Variants in FSTL5 observed in about 807,000 individuals in gnomAD.
FSTL5 encodes follistatin like 5, also known as follistatin-related protein 5.
Under a neutral mutation model 89.1 loss-of-function variants are expected in FSTL5, and 62 were observed. The observed-to-expected ratio is 0.70, with a 90% CI of 0.57 to 0.86. The LOEUF (loss-of-function observed/expected upper bound fraction) is 0.86, where lower values mean the gene tolerates loss of function less well. Ranked by LOEUF, FSTL5 falls within the 40% of genes least tolerant of loss-of-function variation. FSTL5 has a pLI of 0.00. For synonymous variants in FSTL5, 383 were observed against 346.2 expected, an observed-to-expected ratio of 1.11 and a Z score of -1.18; for missense variants, 1,057 against 1,001.6, an observed-to-expected ratio of 1.06 and a Z score of -0.75.
chr4:162,048,276 G>A (rs1463054071), intron 2 of FSTL5, among the ~76,000 whole-genome samples: 6 of 152,044 alleles, frequency 3.9e-5, no homozygotes, highest in Non-Finnish European at 8.8e-5. Flanking sequence ...GCAGTGAGCG[G>A]CGATGGTGTC....
At chr4:161,982,869 T>C (rs1203240964) in intron 3 of FSTL5, among the ~76,000 whole-genome samples, 1 of 152,188 alleles carries the variant, frequency 6.6e-6, no homozygotes, top group East Asian at 1.9e-4. Context: ...GCCTACAATG[T>C]CTTAGTTATA....
At chr4:161,597,599 G>A (rs1332727840) in intron 7 of FSTL5, among the ~76,000 whole-genome samples, 1 of 151,564 alleles carries the variant, frequency 6.6e-6, no homozygotes, top group Non-Finnish European at 1.5e-5. Flanking sequence ...TGCACGTTGT[G>A]CACATGTACG....
At chr4:162,032,193 T>G (rs1426398295) in intron 3 of FSTL5, among the ~76,000 whole-genome samples, 1 of 152,138 alleles carries the variant, frequency 6.6e-6, no homozygotes, top group African/African-American at 2.4e-5. Flanking sequence ...ATAAGTAAAA[T>G]AAGTTATTGT....
chr4:161,394,554 C>T (rs1256073847), intron 15 of FSTL5, among the ~76,000 whole-genome samples: 10 of 152,130 alleles, frequency 6.6e-5, no homozygotes, highest in Admixed American at 5.2e-4. Context: ...AGATTACAGG[C>T]GTGAGCCACT....
chr4:161,917,965 T>C (rs1306803182), intron 4 of FSTL5, among the ~76,000 whole-genome samples: 1 of 152,156 alleles, frequency 6.6e-6, no homozygotes, highest in Non-Finnish European at 1.5e-5. Context: ...TATTTTCCAT[T>C]TTTTTATTTA....
At chr4:161,421,941 T>C (rs192617556) in intron 15 of FSTL5, among the ~76,000 whole-genome samples, 79 of 152,266 alleles carry the variant, frequency 5.2e-4, no homozygotes, top group Admixed American at 1.6e-3. Context: ...AGACAGCAGA[T>C]TGTGGGACTT....
At chr4:162,040,367 A>G (rs1056614003) in intron 2 of FSTL5, among the ~76,000 whole-genome samples, 13 of 152,180 alleles carry the variant, frequency 8.5e-5, no homozygotes, top group African/African-American at 2.4e-4. Flanking sequence ...ATAATCCCAC[A>G]ACAAATTTAT....
intron 13 of FSTL5, among the ~76,000 whole-genome samples, chr4:161,464,281 A>T (rs1733674876): frequency 6.6e-6 from 1 of 152,090 alleles, no homozygotes; most frequent in East Asian, 1.9e-4. Flanking sequence ...TTTGCTGTTC[A>T]TCCAATATGT....
chr4:162,095,770 GA>G (rs1730725735), intron 2 of FSTL5, among the ~76,000 whole-genome samples: 1 of 151,682 alleles, frequency 6.6e-6, no homozygotes, highest in African/African-American at 2.4e-5. Context: ...ATCAAGTTTT[GA>G]AAAAAATGTT....
At chr4:162,158,267 T>A (rs1347216159) in intron 1 of FSTL5, among the ~76,000 whole-genome samples, 1 of 152,092 alleles carries the variant, frequency 6.6e-6, no homozygotes, top group East Asian at 1.9e-4. Context: ...TTCTGTTGTT[T>A]CTTATGCTGT....
intron 7 of FSTL5, among the ~76,000 whole-genome samples, chr4:161,644,111 A>G (rs1419586650): frequency 6.6e-6 from 1 of 152,196 alleles, no homozygotes; most frequent in Non-Finnish European, 1.5e-5. Flanking sequence ...TTTAAAAAAA[A>G]AAAAGAGTAA....
At chr4:161,814,033 A>G (rs1241539979) in intron 4 of FSTL5, among the ~76,000 whole-genome samples, 1 of 152,160 alleles carries the variant, frequency 6.6e-6, no homozygotes, top group Non-Finnish European at 1.5e-5. Context: ...AGGAAAAAGA[A>G]GAGAGGAAAA....
intron 2 of FSTL5, among the ~76,000 whole-genome samples, chr4:162,058,495 C>CAGCT (rs1209914855): frequency 2.1e-5 from 3 of 140,942 alleles, no homozygotes. Context: ...GGCATGATCT[C>CAGCT]AGCTCACTGC....
intron 6 of FSTL5, among the ~76,000 whole-genome samples, chr4:161,742,945 C>T (rs866203943): frequency 2.0e-5 from 3 of 152,050 alleles, no homozygotes; most frequent in Non-Finnish European, 4.4e-5. Flanking sequence ...ATCTATCCAA[C>T]TACCTTGCCA....
chr4:161,546,421 T>C (rs1451633477), intron 8 of FSTL5, among the ~76,000 whole-genome samples: 2 of 151,444 alleles, frequency 1.3e-5, no homozygotes, highest in East Asian at 3.9e-4. Flanking sequence ...TGATGAACTT[T>C]CTTAAGAAAG....
At chr4:161,759,988 A>T (rs1050464791) in intron 5 of FSTL5, among the ~76,000 whole-genome samples, 3 of 152,196 alleles carry the variant, frequency 2.0e-5, no homozygotes, top group Non-Finnish European at 4.4e-5. Context: ...TTTGTAAAAT[A>T]ATGAAGTTAG....
At chr4:161,689,397 G>A (rs1737850054) in intron 6 of FSTL5, among the ~76,000 whole-genome samples, 1 of 152,040 alleles carries the variant, frequency 6.6e-6, no homozygotes, top group South Asian at 2.1e-4. Flanking sequence ...GGTTTGAATT[G>A]TGATGTGCTG....
Position 161,613,008 on chromosome 4 carries a change from GAACTA to G in FSTL5, c.895-25438_895-25434del, listed in dbSNP as rs1734704380. Among the ~76,000 whole-genome samples the G allele has an allele frequency of 1.3e-5, 2 of 152,060 alleles. 1 individual carries two copies. Among genetic ancestry groups the G allele is most frequent in the South Asian group, 4.1e-4 (2 of 4,826 alleles). On this transcript the variant is annotated intron_variant, in intron 7 of 15. Coordinates refer to ENST00000306100, the MANE Select transcript of FSTL5 (RefSeq NM_020116.5). ...GAATACTGGAATTCAAACAAGCTTG[GAACTA>G]AATTAGATAGTAAGAGATCTTTTAG...
intron 4 of FSTL5, among the ~76,000 whole-genome samples, chr4:161,890,769 A>G (rs911882599): frequency 6.6e-6 from 1 of 152,030 alleles, no homozygotes; most frequent in African/African-American, 2.4e-5. Flanking sequence ...ATGTGGAAAT[A>G]CTTTGGAATC....
Sources: gnomAD v4.1 joint callset for allele counts (sites outside exome capture counted in the v4.1 genomes callset) on GRCh38, gnomAD v4.1.1 for gene constraint, MANE v1.5 for transcripts, NCBI Gene and HGNC (gene_info 2026-07-23, HGNC 2026-07-21) for gene names.